Variants in GABRG1 observed in about 807,000 individuals in gnomAD.
GABRG1 encodes the protein gamma-aminobutyric acid receptor subunit gamma-1.
In GABRG1, 49 loss-of-function variants were observed where a neutral mutation model predicts 49.8. The observed-to-expected ratio is 0.98, with a 90% CI of 0.78 to 1.25. The LOEUF (loss-of-function observed/expected upper bound fraction) is 1.25. GABRG1 is among the 50% of genes most tolerant of loss of function. The probability of loss-of-function intolerance (pLI) is 0.00; values close to 1 mark genes in which losing one functional copy is unlikely to be tolerated. For missense variants in GABRG1, 552 were observed against 552.3 expected (o/e 1.00, Z 0.01); for synonymous variants, 232 against 185.1 (o/e 1.25, Z -2.06).
intron 3 of GABRG1, among the ~76,000 whole-genome samples, chr4:46,071,010 C>T (rs564173140): frequency 2.0e-5 from 3 of 152,156 alleles, no homozygotes; most frequent in East Asian, 1.9e-4. Context: ...TGATGTACAA[C>T]GTTGGTACCA....
At position 46,065,649 on chromosome 4, in the gene GABRG1, T is replaced by G. The variant is rs1169152589; in HGVS notation, c.322-65A>C. ...CTATTTTAGTTGTTTTTCTCGAAAG[T>G]TTGAATTTTTGTATTGTAAAGTTTC... On this transcript the variant is annotated intron_variant, in intron 3 of 8. Coordinates refer to ENST00000295452, the MANE Select transcript of GABRG1 (RefSeq NM_173536.4). 14 of 757,598 alleles carry G rather than the reference T, an allele frequency of 1.8e-5. No homozygotes were observed. The East Asian group carries it at 3.5e-4, about 19-fold the overall frequency. The allele number at this position is 757,598 out of a possible 1,614,324, so 46.9% of individuals were successfully genotyped here. A position where few individuals can be genotyped will look rare whatever the true frequency, so the allele number is the denominator to read the frequency against.
intron 1 of GABRG1, among the ~76,000 whole-genome samples, chr4:46,119,957 T>C (rs989435472): frequency 6.6e-6 from 1 of 151,762 alleles, no homozygotes; most frequent in Admixed American, 6.6e-5. Flanking sequence ...AGAATATCTG[T>C]TATGACTTTC....
At chr4:46,071,779 A>C (rs1013473157) in intron 3 of GABRG1, among the ~76,000 whole-genome samples, 28 of 152,072 alleles carry the variant, frequency 1.8e-4, no homozygotes, top group African/African-American at 6.8e-4. Flanking sequence ...CACAAAGAAA[A>C]TACTTTGTAC....
chr4:46,062,177 T>C (rs1718721722), intron 5 of GABRG1, among the ~76,000 whole-genome samples: 1 of 151,876 alleles, frequency 6.6e-6, no homozygotes, highest in African/African-American at 2.4e-5. Context: ...ATTTCCAATT[T>C]CATCCATGTC....
chr4:46,048,933 A>C (rs1347867238), intron 8 of GABRG1, among the ~76,000 whole-genome samples: 1 of 151,970 alleles, frequency 6.6e-6, no homozygotes, highest in East Asian at 1.9e-4. Context: ...TTAAGCAGTC[A>C]ACAAGATGTC....
intron 1 of GABRG1, among the ~76,000 whole-genome samples, chr4:46,103,368 G>T (rs1720444094): frequency 6.6e-6 from 1 of 151,536 alleles, no homozygotes; most frequent in Admixed American, 6.6e-5. Flanking sequence ...TCACTGGATA[G>T]TAAATATAAT....
rs1292671653 is a variant in GABRG1 at position 46,038,889 on chromosome 4, A to C, written c.*2099T>G. ...ACATTTAAAACCAAGTTAATGAAACACCAGTGAGAAAATCAAAGCTATTTT... is the reference window on the plus strand; with the variant it reads ...ACATTTAAAACCAAGTTAATGAAACCCCAGTGAGAAAATCAAAGCTATTTT... On this transcript the variant is annotated 3_prime_UTR_variant, in exon 9 of 9. Coordinates refer to ENST00000295452, the MANE Select transcript of GABRG1 (RefSeq NM_173536.4). The C allele has an allele frequency of 6.6e-6, 1 of 151,666 alleles. No homozygotes were observed. Among genetic ancestry groups the C allele is most frequent in the Non-Finnish European group, 1.5e-5 (1 of 67,704 alleles). 9.4% of individuals were successfully genotyped at this position (151,666 alleles called of 1,614,324 possible).
chr4:46,043,024 C>T (rs531916816), intron 8 of GABRG1, among the ~76,000 whole-genome samples: 10 of 151,818 alleles, frequency 6.6e-5, no homozygotes, highest in South Asian at 4.2e-4. Context: ...AAGAGAGAGA[C>T]GAATTGGTAC....
chr4:46,041,445 C>T (rs1013412992), intron 8 of GABRG1, among the ~76,000 whole-genome samples, 191 bp from the exon 9 acceptor site: 5 of 151,680 alleles, frequency 3.3e-5, no homozygotes, highest in Non-Finnish European at 7.4e-5. Context: ...TTGTTACATT[C>T]TATTAAGCAG....
intron 2 of GABRG1, among the ~76,000 whole-genome samples, chr4:46,090,796 G>C (rs1251328096): frequency 6.6e-6 from 1 of 151,864 alleles, no homozygotes; most frequent in Non-Finnish European, 1.5e-5. Flanking sequence ...TCTTCCCCTT[G>C]GTATATTTGC....
rs1326783368 is a variant in GABRG1, at chr4:46,058,501, G to A, written c.747C>T (p.Ile249=). Residue 249 remains isoleucine (I), a synonymous_variant, in exon 6 of 9, where the codon ATC becomes ATT. Transcript: ENST00000295452. ...TCTTTTTACCAGAGATCGTGTGAGT[G>A]ATTTCAGTTGAGTTCCGTAACCCTA... The part of the protein sequence containing the change: ...AFVGLRNSTE[I]THTISGDYVI... The A allele has an allele frequency of 5.0e-6, 8 of 1,612,880 alleles. No individual in the cohort carries two copies. The highest frequency in any genetic ancestry group is 5.9e-6 in the Non-Finnish European group (7 of 1,179,422).
intron 2 of GABRG1, among the ~76,000 whole-genome samples, chr4:46,091,486 T>C (rs903556351): frequency 2.0e-5 from 3 of 152,082 alleles, no homozygotes; most frequent in African/African-American, 7.2e-5. Flanking sequence ...CAAGACATCG[T>C]AATGATCAAA....
intron 1 of GABRG1, among the ~76,000 whole-genome samples, chr4:46,122,539 A>T (rs1255423768): frequency 6.6e-6 from 1 of 152,064 alleles, no homozygotes; most frequent in Non-Finnish European, 1.5e-5. Context: ...GGGTTAAAAA[A>T]AAAGAGAGAG....
chr4:46,050,835 T>C (rs1238069457), intron 8 of GABRG1, among the ~76,000 whole-genome samples: 1 of 151,894 alleles, frequency 6.6e-6, no homozygotes, highest in African/African-American at 2.4e-5. Context: ...ATGTGTTAGA[T>C]ATTACTTTCA....
At chr4:46,074,696 T>A (rs532115500) in intron 3 of GABRG1, among the ~76,000 whole-genome samples, 112 of 152,304 alleles carry the variant, frequency 7.4e-4, no homozygotes, top group African/African-American at 1.9e-3. Flanking sequence ...TCATTGCCAA[T>A]CTAAGACAAA....
In GABRG1 at chr4:46,118,132, G is replaced by GTA. The variant is rs1553884495; in HGVS notation, c.104+5676_104+5677dup. ...TATATACATATATACGTGTGTGTGT[G>GTA]TATATATATATATACAGCTACAGTA... is the stretch of plus-strand genomic sequence containing the variant. On this transcript the variant is annotated intron_variant, in intron 1 of 8. Transcript: ENST00000295452. 1.2e-3 allele frequency among the ~76,000 whole-genome samples: 137 copies of GTA among 109,956 alleles called. 4 individuals are homozygous for GTA. Among genetic ancestry groups the GTA allele is most frequent in the Middle Eastern group, 4.3e-3 (1 of 230 alleles). 72.1% of individuals were successfully genotyped at this position (109,956 alleles called of 152,430 possible).
chr4:46,051,288 C>T (rs1029476740), intron 8 of GABRG1, 136 bp downstream of exon 8: 3 of 637,848 alleles, frequency 4.7e-6, no homozygotes, highest in Middle Eastern at 4.4e-4. Flanking sequence ...GTTAGGTACT[C>T]CAGTTTCATC....
rs752045899 is a variant in GABRG1 at position 46,051,432 on chromosome 4, T to C, written c.1123A>G (p.Lys375Glu). 2 of 1,602,334 alleles carry C rather than the reference T, an allele frequency of 1.2e-6. No individual in the cohort carries two copies. ...TATKDRKLKN[K>E]ASMTPGLHPG... ...TTTTCTTTTTAACATACCGAGGCTT[T>C]ATTTTTTAGCTTTCTGTCTTTAGTA... Residue 375 changes from lysine (K) to glutamate (E), a missense_variant, in exon 8 of 9, where the codon AAA (lysine) becomes GAA (glutamate). Physicochemically the swap from Lys to Glu is moderately conservative, Grantham distance 56. Transcript: ENST00000295452.
chr4:46,052,284 C>T (rs1300657594), intron 7 of GABRG1, among the ~76,000 whole-genome samples: 1 of 119,806 alleles, frequency 8.3e-6, no homozygotes, highest in African/African-American at 3.2e-5. Flanking sequence ...AGATATTCTT[C>T]TATCTAATTG....
Sources: allele counts gnomAD v4.1 joint callset (sites outside exome capture counted in the v4.1 genomes callset), GRCh38; gene constraint gnomAD v4.1.1; transcripts MANE v1.5; gene names NCBI Gene and HGNC (gene_info 2026-07-23, HGNC 2026-07-21).